The following ZNF320 variants were observed in gnomAD, a reference collection of about 807,000 sequenced individuals.
ZNF320 encodes the protein zinc finger gene 320.
A neutral mutation model predicts 6.8 loss-of-function variants in ZNF320; 2 were observed. The observed-to-expected ratio is 0.29, with a 90% CI of 0.12 to 0.93. The LOEUF is 0.93. Ranked by LOEUF, ZNF320 falls within the 40% of genes least tolerant of loss-of-function variation. The probability of loss-of-function intolerance (pLI) is 0.55; values close to 1 mark genes in which losing one functional copy is unlikely to be tolerated. For missense variants in ZNF320, 472 were observed against 611.0 expected, an observed-to-expected ratio of 0.77 and a Z score of 2.40; for synonymous variants, 208 against 203.2, an observed-to-expected ratio of 1.02 and a Z score of -0.20.
At position 52,881,965 on chromosome 19, in the gene ZNF320, A is replaced by G. The variant is rs1280059858; in HGVS notation, c.161T>C (p.Met54Thr). The change falls in exon 6 of 6, where the codon ATG (methionine) becomes ACG (threonine). Residue 54 changes from methionine to threonine, a missense_variant. Physicochemically the swap from Met to Thr is moderately conservative, Grantham distance 81. This residue lies in a region of ZNF320 where 462 missense variants were observed against 559.7 expected (regional missense o/e 0.83). Coordinates refer to ENST00000682928, the MANE Select transcript of ZNF320 (RefSeq NM_001351774.2). Reference sequence around the variant, plus strand: ...CCCTGTTGATGACAATGTATTCATCATGCATTTGGAAGAGATATCTACAAA... The same window carrying G: ...CCCTGTTGATGACAATGTATTCATCGTGCATTTGGAAGAGATATCTACAAA... Reference protein sequence around the residue: ...LVSLDISSKCMMNTLSSTGQG... With the variant: ...LVSLDISSKCTMNTLSSTGQG... 3 of 1,606,762 alleles carry G rather than the reference A, an allele frequency of 1.9e-6. No homozygotes were observed. Among genetic ancestry groups the G allele is most frequent in the Non-Finnish European group, 2.5e-6 (3 of 1,177,400 alleles).
intron 5 of ZNF320, among the ~76,000 whole-genome samples, chr19:52,870,293 AC>A (rs1468734869): frequency 6.6e-6 from 1 of 151,548 alleles, no homozygotes; most frequent in Non-Finnish European, 1.5e-5. Flanking sequence ...ATCCTGGCTA[AC>A]ACGGTGAAAC....
At chr19:52,860,191 C>T (rs779284246), downstream of ZNF320, among the ~76,000 whole-genome samples, 3 of 152,284 alleles carry the variant, frequency 2.0e-5, no homozygotes, top group African/African-American at 7.2e-5. Flanking sequence ...GGATTACAGG[C>T]GTGAGCCACT....
chr19:52,901,202 C>T (rs1032347017), upstream of ZNF320, among the ~76,000 whole-genome samples: 3 of 152,124 alleles, frequency 2.0e-5, no homozygotes, highest in African/African-American at 7.2e-5. Context: ...AAACAAATTT[C>T]TTTTAGAATC....
intron 5 of ZNF320, among the ~76,000 whole-genome samples, chr19:52,883,279 T>G (rs567900576): frequency 6.6e-6 from 1 of 151,966 alleles, no homozygotes; most frequent in Admixed American, 6.6e-5. Flanking sequence ...TGTGAACTCC[T>G]GTGATCTCGA....
intron 2 of ZNF320, chr19:52,892,383 GAACA>G (rs1568728614): frequency 6.6e-6 from 1 of 151,950 alleles, no homozygotes; most frequent in African/African-American, 2.4e-5. Context: ...ACAAACAAAC[GAACA>G]AACAAAAAAA....
chr19:52,890,445 C>G (rs1307614499), intron 3 of ZNF320, 117 bp from the exon 4 acceptor site: 1 of 846,634 alleles, frequency 1.2e-6, no homozygotes, highest in Non-Finnish European at 1.8e-6. Flanking sequence ...CTGCTGCCCA[C>G]TGCCCCAGGG....
At chr19:52,872,783 G>T (rs752788945), downstream of ZNF320, among the ~76,000 whole-genome samples, 3 of 152,244 alleles carry the variant, frequency 2.0e-5, no homozygotes, top group East Asian at 3.9e-4. Context: ...TTACAGGCGT[G>T]AGCCACCGCG....
rs868285447 is a variant in ZNF320 at position 52,881,414 on chromosome 19, T to C, written c.712A>G (p.Ser238Gly). ...TTATAAGGTTTCTCTCCAGTATGACTTCTATGATGACATGCAAGGGTTGCT... is the reference window on the plus strand; with the variant it reads ...TTATAAGGTTTCTCTCCAGTATGACCTCTATGATGACATGCAAGGGTTGCT... ...QKATLACHHR[S>G]HTGEKPYKCN... is the part of the protein sequence containing the mutation. The change falls in exon 6 of 6, where the codon AGT becomes GGT. Residue 238 changes from serine (S) to glycine (G), a missense_variant. By Grantham distance (56) the Ser-to-Gly change is moderately conservative. This residue lies in a region of ZNF320 where 462 missense variants were observed against 559.7 expected (regional missense o/e 0.83). Transcript: ENST00000682928. 1 of 1,613,754 alleles carries C rather than the reference T, an allele frequency of 6.2e-7. No individual in the cohort carries two copies.
chr19:52,899,680 C>G (rs2064565149), upstream of ZNF320, among the ~76,000 whole-genome samples: 1 of 152,090 alleles, frequency 6.6e-6, no homozygotes, highest in African/African-American at 2.4e-5. Flanking sequence ...CCAGGATGGT[C>G]TTGATCTCCT....
At chr19:52,883,671 G>A (rs773172375) in intron 5 of ZNF320, 300 of 451,570 alleles carry the variant, frequency 6.6e-4, no homozygotes, top group Non-Finnish European at 1.1e-3. Context: ...AGGCTGAGTC[G>A]GGTGGATCAT....
At chr19:52,890,127 T>A in intron 4 of ZNF320, 114 bp downstream of exon 4, 6 of 1,483,790 alleles carry the variant, frequency 4.0e-6, no homozygotes, top group Non-Finnish European at 5.6e-6. Flanking sequence ...CATGGGTGAT[T>A]GTGAGCAAAC....
rs76066718 is a variant in ZNF320 at position 52,864,384 on chromosome 19, A to G, written c.224-225T>C. ...AAAAATTTACAAATAAAAACTAAATATAGTGTTTTCTCTATAAATACGTTA... is the reference window on the plus strand; with the variant it reads ...AAAAATTTACAAATAAAAACTAAATGTAGTGTTTTCTCTATAAATACGTTA... On this transcript the variant is annotated intron_variant, in intron 5 of 5. Coordinates refer to the ZNF320 transcript ENST00000673631. 6.1e-3 allele frequency among the ~76,000 whole-genome samples: 926 copies of G among 152,310 alleles called. 8 individuals are homozygous for G. Among genetic ancestry groups the G allele is most frequent in the African/African-American group, 0.021 (862 of 41,562 alleles).
Position 52,876,565 on chromosome 19 carries a change from T to G in ZNF320, c.*4031A>C, listed in dbSNP as rs547332871. The G allele has an allele frequency of 6.6e-6, 1 of 152,188 alleles. No individual in the cohort carries two copies. Among genetic ancestry groups the G allele is most frequent in the Non-Finnish European group, 1.5e-5 (1 of 68,036 alleles). The allele number at this position is 152,188 out of a possible 1,614,324, so 9.4% of individuals were successfully genotyped here. On this transcript the variant is annotated 3_prime_UTR_variant, in exon 6 of 6. Coordinates refer to ENST00000682928, the MANE Select transcript of ZNF320 (RefSeq NM_001351774.2). Reference sequence around the variant, plus strand: ...CCAGCCAGAGTGCAGTTGCAGGATCTCAGCTCACTGCAACCTCCGCCTCCC... The same window carrying G: ...CCAGCCAGAGTGCAGTTGCAGGATCGCAGCTCACTGCAACCTCCGCCTCCC...
At chr19:52,871,655 G>A (rs2063683008), downstream of ZNF320, among the ~76,000 whole-genome samples, 1 of 152,072 alleles carries the variant, frequency 6.6e-6, no homozygotes, top group East Asian at 1.9e-4. Flanking sequence ...TGTTCAAAAT[G>A]TACACATTGT....
chr19:52,898,021 C>T (rs2064526897), upstream of ZNF320, among the ~76,000 whole-genome samples: 1 of 152,234 alleles, frequency 6.6e-6, no homozygotes, highest in Non-Finnish European at 1.5e-5. Flanking sequence ...GTGAGGCGGT[C>T]ATTGGACCCA....
chr19:52,899,029 A>G (rs953010309), upstream of ZNF320, among the ~76,000 whole-genome samples: 3 of 152,210 alleles, frequency 2.0e-5, no homozygotes, highest in African/African-American at 4.8e-5. Context: ...ACTTTTTATT[A>G]GTGGGAGTTC....
In ZNF320 at chr19:52,877,001, G is replaced by A. The variant is rs767940477; in HGVS notation, c.*3595C>T. The stretch of plus-strand genomic sequence containing the variant: ...ACCTGGCTATGGTCCTAGCAACTTT[G>A]GAGGCTGAGGTGGGAGGATCCCTTG... On this transcript the variant is annotated 3_prime_UTR_variant, in exon 6 of 6. Transcript: ENST00000682928. The A allele has an allele frequency of 2.0e-5, 3 of 152,206 alleles. No homozygotes were observed. The highest frequency in any genetic ancestry group is 4.4e-5 in the Non-Finnish European group (3 of 68,076). 9.4% of individuals were successfully genotyped at this position (152,206 alleles called of 1,614,324 possible).
Position 52,880,218 on chromosome 19 carries a change from C to T in ZNF320, c.*378G>A, listed in dbSNP as rs1047751115. On this transcript the variant is annotated 3_prime_UTR_variant, in exon 6 of 6. Coordinates refer to ENST00000682928, the MANE Select transcript of ZNF320 (RefSeq NM_001351774.2). Reference sequence around the variant, plus strand: ...AAAAAATTACCCGGGCATGGTGGCACGCACCTGTAGTCCCAGCTACTCAGG... The same window carrying T: ...AAAAAATTACCCGGGCATGGTGGCATGCACCTGTAGTCCCAGCTACTCAGG... 1.2e-4 allele frequency: 19 copies of T among 162,290 alleles called. No homozygotes were observed. The highest frequency in any genetic ancestry group is 3.6e-4 in the East Asian group (2 of 5,576). 10.1% of individuals were successfully genotyped at this position (162,290 alleles called of 1,614,324 possible).
At chr19:52,870,141 C>G (rs1450654538) in intron 5 of ZNF320, among the ~76,000 whole-genome samples, 1 of 152,048 alleles carries the variant, frequency 6.6e-6, no homozygotes, top group Non-Finnish European at 1.5e-5. Context: ...ATGCCCAGGC[C>G]CTTCTTACTA....
Sources: gnomAD v4.1 joint callset for allele counts (sites outside exome capture counted in the v4.1 genomes callset) on GRCh38, gnomAD v4.1.1 for gene constraint, gnomAD v4.1.1 regional missense constraint, MANE v1.5 for transcripts, NCBI Gene and HGNC (gene_info 2026-07-23, HGNC 2026-07-21) for gene names.